Variants in PCDH11X observed in about 807,000 individuals in gnomAD.
The protein encoded by PCDH11X is protocadherin 11 X-linked.
Under a neutral mutation model 53.3 loss-of-function variants are expected in PCDH11X, and 18 were observed. The observed-to-expected ratio is 0.34, with a 90% CI of 0.23 to 0.50. PCDH11X has a LOEUF of 0.50. PCDH11X is among the 20% of genes least tolerant of loss of function. The pLI, the probability that PCDH11X is intolerant of heterozygous loss-of-function variation, is 0.98. For synonymous variants in PCDH11X, 279 were observed against 393.3 expected (o/e 0.71, Z 3.44); for missense variants, 570 against 1,032.4 (o/e 0.55, Z 6.14).
At chrX:92,329,717 G>A (rs1271909798) in intron 8 of PCDH11X, among the ~76,000 whole-genome samples, 3 of 111,277 alleles carry the variant, frequency 2.7e-5, no homozygotes, top group Admixed American at 9.6e-5. Context: ...AGTGAAATAA[G>A]CCAGGCACAG....
At chrX:91,870,261 A>G (rs1218847039) in intron 5 of PCDH11X, among the ~76,000 whole-genome samples, 1 of 111,794 alleles carries the variant, frequency 8.9e-6, no homozygotes, top group Non-Finnish European at 1.9e-5. Flanking sequence ...CACATTCCAA[A>G]TAACGTAATA....
At chrX:92,379,807 G>A (rs1168570804) in intron 8 of PCDH11X, among the ~76,000 whole-genome samples, 3 of 110,127 alleles carry the variant, frequency 2.7e-5, no homozygotes. Flanking sequence ...GCTGTTAGGA[G>A]CTACCCACTC....
chrX:92,379,642 C>T (rs1044640155), intron 8 of PCDH11X, among the ~76,000 whole-genome samples: 3 of 109,202 alleles, frequency 2.7e-5, no homozygotes, highest in Non-Finnish European at 3.8e-5. Context: ...CCTGGGGGCC[C>T]GTTGGCCAGT....
chrX:91,903,684 T>C (rs1941044505), intron 6 of PCDH11X, among the ~76,000 whole-genome samples: 1 of 109,176 alleles, frequency 9.2e-6, no homozygotes, highest in South Asian at 4.0e-4. Flanking sequence ...TGTGTGTGTG[T>C]GTGTGCGTGT....
At chrX:92,304,797 T>C (rs367847639) in intron 8 of PCDH11X, among the ~76,000 whole-genome samples, 1 of 112,619 alleles carries the variant, frequency 8.9e-6, no homozygotes. Flanking sequence ...ATGTTAAAAA[T>C]CATAATAAAC....
chrX:92,121,535 G>T (rs1050101695), intron 6 of PCDH11X, among the ~76,000 whole-genome samples: 1 of 111,218 alleles, frequency 9.0e-6, no homozygotes, highest in Non-Finnish European at 1.9e-5. Context: ...AACATATTAT[G>T]TTGAGTCACT....
chrX:92,538,318 A>G (rs764057932), intron 10 of PCDH11X, among the ~76,000 whole-genome samples: 1,536 of 101,484 alleles, frequency 0.015, 40 homozygotes, highest in African/African-American at 0.052. Flanking sequence ...TTTTTTCTTT[A>G]TTCTGACATG....
chrX:92,063,056 G>A (rs1465371892), intron 6 of PCDH11X, among the ~76,000 whole-genome samples: 1 of 110,545 alleles, frequency 9.0e-6, no homozygotes, highest in Non-Finnish European at 1.9e-5. Context: ...CGTGGATGAA[G>A]CTGGAAACCA....
At chrX:91,907,412 C>CACACACACACACAGAG (rs756926383) in intron 6 of PCDH11X, among the ~76,000 whole-genome samples, 4 of 57,496 alleles carry the variant, frequency 7.0e-5, no homozygotes, top group Admixed American at 4.5e-4. Context: ...CACACACACA[C>CACACACACACACAGAG]AGAGAGAGAG....
chrX:91,918,859 C>G (rs1241024425), intron 6 of PCDH11X, among the ~76,000 whole-genome samples: 3 of 110,870 alleles, frequency 2.7e-5, no homozygotes, highest in Admixed American at 9.7e-5. Flanking sequence ...CTAGCTCTCT[C>G]TCTCTCTTTT....
At chrX:92,512,501 T>G (rs1016280120) in intron 10 of PCDH11X, among the ~76,000 whole-genome samples, 2 of 111,581 alleles carry the variant, frequency 1.8e-5, no homozygotes, top group African/African-American at 6.5e-5. Flanking sequence ...AAATATGAAA[T>G]TGAGATGAGT....
intron 8 of PCDH11X, among the ~76,000 whole-genome samples, chrX:92,265,455 C>T (rs777778097): frequency 9.0e-6 from 1 of 110,788 alleles, no homozygotes; most frequent in Non-Finnish European, 1.9e-5. Flanking sequence ...AAATGGGCAA[C>T]TGTGAAGTTT....
chrX:92,327,811 A>C (rs1188522228), intron 8 of PCDH11X, among the ~76,000 whole-genome samples: 3 of 98,239 alleles, frequency 3.1e-5, no homozygotes, highest in Non-Finnish European at 6.1e-5. Context: ...AAGATGCAAA[A>C]AAAGATTATG....
At chrX:92,087,065 T>C (rs2063965197) in intron 6 of PCDH11X, among the ~76,000 whole-genome samples, 1 of 109,495 alleles carries the variant, frequency 9.1e-6, no homozygotes, top group African/African-American at 3.3e-5. Flanking sequence ...TTTAGGGTGG[T>C]CTGGGTGGTC....
At chrX:91,827,200 T>C (rs1163221560) in intron 4 of PCDH11X, among the ~76,000 whole-genome samples, 1 of 111,977 alleles carries the variant, frequency 8.9e-6, no homozygotes, top group Non-Finnish European at 1.9e-5. Flanking sequence ...GATTTGCATT[T>C]CTCTAATGAT....
At chrX:92,591,443 A>C (rs746029816) in intron 10 of PCDH11X, among the ~76,000 whole-genome samples, 154 of 110,453 alleles carry the variant, frequency 1.4e-3, no homozygotes, top group African/African-American at 4.9e-3. Context: ...ACTATGAATT[A>C]GTCTTTCTAT....
At chrX:92,166,884 T>A (rs1251326848) in intron 6 of PCDH11X, among the ~76,000 whole-genome samples, 2 of 110,020 alleles carry the variant, frequency 1.8e-5, no homozygotes, top group Non-Finnish European at 3.8e-5. Context: ...GTGGACAGAG[T>A]CCCCATCACT....
At chrX:92,105,697 T>A (rs1330303057) in intron 6 of PCDH11X, among the ~76,000 whole-genome samples, 1 of 108,423 alleles carries the variant, frequency 9.2e-6, no homozygotes, top group East Asian at 3.0e-4. Flanking sequence ...GGGGTGCTTT[T>A]TGAGCCAGGA....
At chrX:92,126,510 G>A (rs6615328) in intron 6 of PCDH11X, among the ~76,000 whole-genome samples, 21,188 of 109,514 alleles carry the variant, frequency 0.19, 1,663 homozygotes, top group East Asian at 0.41. Context: ...TCCAGAGGCC[G>A]AGGCAGGTGA....
Sources: gnomAD v4.1 joint callset for allele counts (sites outside exome capture counted in the v4.1 genomes callset) on GRCh38, gnomAD v4.1.1 for gene constraint, MANE v1.5 for transcripts, NCBI Gene and HGNC (gene_info 2026-07-23, HGNC 2026-07-21) for gene names.